Variants in ADGRV1 observed in about 807,000 individuals in gnomAD.
ADGRV1 encodes G-protein coupled receptor 98.
Under a neutral mutation model 596.2 loss-of-function variants are expected in ADGRV1, and 359 were observed. The observed-to-expected ratio is 0.60, with a 90% CI of 0.55 to 0.66. The LOEUF is 0.66. Ranked by LOEUF, ADGRV1 falls within the 30% of genes least tolerant of loss-of-function variation. The probability of loss-of-function intolerance (pLI) is 0.00; values close to 1 mark genes in which losing one functional copy is unlikely to be tolerated. For missense variants in ADGRV1, 7,274 were observed against 7,575.6 expected (o/e 0.96, Z 1.48); for synonymous variants, 2,681 against 2,679.2 (o/e 1.00, Z -0.02).
intron 76 of ADGRV1, among the ~76,000 whole-genome samples, chr5:90,824,432 C>T (rs1384805208): frequency 6.6e-6 from 1 of 152,232 alleles, no homozygotes; most frequent in Non-Finnish European, 1.5e-5. Context: ...AAAGTTGATG[C>T]AGGCAAATGT....
At chr5:91,032,989 G>A (rs72784636) in intron 85 of ADGRV1, among the ~76,000 whole-genome samples, 6,023 of 152,168 alleles carry the variant, frequency 0.04, 166 homozygotes, top group Non-Finnish European at 0.058. Context: ...CACAGATCTG[G>A]ATTTGTTTAT....
chr5:90,617,548 T>A (rs1266162967), intron 2 of ADGRV1: 1 of 273,980 alleles, frequency 3.6e-6, no homozygotes, highest in African/African-American at 2.3e-5. Flanking sequence ...GACCTCGTGA[T>A]CCGCCCGTGT....
chr5:90,792,830 A>T (rs1177786533), intron 70 of ADGRV1: 4 of 152,188 alleles, frequency 2.6e-5, no homozygotes, highest in East Asian at 1.9e-4. Context: ...CAAGGCAGGG[A>T]TCAACCCTGG....
intron 84 of ADGRV1, among the ~76,000 whole-genome samples, chr5:90,971,750 A>C (rs79080372): frequency 1.3e-5 from 2 of 152,192 alleles, no homozygotes; most frequent in African/African-American, 2.4e-5. Flanking sequence ...CAAAAACATG[A>C]CAAATTGTAA....
chr5:90,748,256 TC>T (rs1754843357), intron 52 of ADGRV1, among the ~76,000 whole-genome samples: 1 of 152,160 alleles, frequency 6.6e-6, no homozygotes, highest in South Asian at 2.1e-4. Flanking sequence ...GCGTAGTAGA[TC>T]AGCTTCCTCT....
intron 85 of ADGRV1, among the ~76,000 whole-genome samples, chr5:91,036,635 A>T: frequency 6.6e-6 from 1 of 151,670 alleles, no homozygotes; most frequent in East Asian, 1.9e-4. Flanking sequence ...CTGAGGCAGG[A>T]TCACTTGAGC....
At chr5:90,738,867 T>G (rs1425330917) in intron 50 of ADGRV1, among the ~76,000 whole-genome samples, 2 of 152,124 alleles carry the variant, frequency 1.3e-5, no homozygotes, top group African/African-American at 4.8e-5. Flanking sequence ...CAGCCAGTAT[T>G]TTTAAAAATA....
At chr5:90,560,086 G>A (rs984286212) in intron 1 of ADGRV1, among the ~76,000 whole-genome samples, 1 of 152,136 alleles carries the variant, frequency 6.6e-6, no homozygotes, top group Non-Finnish European at 1.5e-5. Flanking sequence ...TTAAATATAT[G>A]TGATTAGGTA....
chr5:90,932,916 C>T (rs1374154543), intron 83 of ADGRV1, among the ~76,000 whole-genome samples: 1 of 152,194 alleles, frequency 6.6e-6, no homozygotes, highest in Non-Finnish European at 1.5e-5. Context: ...GTGAAAGTCA[C>T]TCTCATCACA....
intron 19 of ADGRV1, 150 bp from the exon 20 acceptor site, chr5:90,653,059 G>T: frequency 1.4e-6 from 1 of 693,590 alleles, no homozygotes; most frequent in East Asian, 2.7e-5. Flanking sequence ...CTAAAATGTG[G>T]TGAAAGCCAC....
At chr5:90,912,704 A>C (rs577643620) in intron 83 of ADGRV1, among the ~76,000 whole-genome samples, 1 of 152,116 alleles carries the variant, frequency 6.6e-6, no homozygotes, top group African/African-American at 2.4e-5. Context: ...TTTGCTTAGG[A>C]TAATAGCCTC....
chr5:90,864,946 G>A (rs974968659), intron 83 of ADGRV1, among the ~76,000 whole-genome samples: 1 of 152,056 alleles, frequency 6.6e-6, no homozygotes, highest in African/African-American at 2.4e-5. Flanking sequence ...ATGCTAAAGT[G>A]CATTTATTGA....
At chr5:90,882,389 C>T (rs1460823858) in intron 83 of ADGRV1, among the ~76,000 whole-genome samples, 1 of 152,120 alleles carries the variant, frequency 6.6e-6, no homozygotes, top group Non-Finnish European at 1.5e-5. Context: ...CTTTTTAATT[C>T]CTATTTCCTG....
Position 90,837,829 on chromosome 5 carries a change from T to C in ADGRV1, c.16612-2749T>C, listed in dbSNP as rs368764189. ...ACCTTGTTTCAGAAATTTAACTTTA[T>C]CTGAATTTTAGTATAAAACTTTCCA... On this transcript the variant is annotated intron_variant, in intron 77 of 89. Coordinates refer to ENST00000405460, the MANE Select transcript of ADGRV1 (RefSeq NM_032119.4). 2.0e-5 allele frequency among the ~76,000 whole-genome samples: 3 copies of C among 152,344 alleles called. No individual in the cohort carries two copies. The South Asian group carries it at 6.2e-4, about 32-fold the overall frequency.
At chr5:90,576,996 C>T (rs902675758) in intron 1 of ADGRV1, among the ~76,000 whole-genome samples, 1 of 151,864 alleles carries the variant, frequency 6.6e-6, no homozygotes, top group Non-Finnish European at 1.5e-5. Context: ...TGTTTAAGTT[C>T]TTTGTAGATT....
intron 86 of ADGRV1, among the ~76,000 whole-genome samples, 193 bp from the exon 87 acceptor site, chr5:91,102,026 A>G (rs551024402): frequency 1.5e-4 from 23 of 152,288 alleles, no homozygotes; most frequent in African/African-American, 5.5e-4. Context: ...TGGGCCTACC[A>G]GCAGCCCCAT....
chr5:90,647,862 A>C, intron 17 of ADGRV1, 98 bp downstream of exon 17: 1 of 1,037,458 alleles, frequency 9.6e-7, no homozygotes, highest in Non-Finnish European at 1.4e-6. Context: ...GTAGGGCCTA[A>C]CTACATTTGT....
intron 85 of ADGRV1, among the ~76,000 whole-genome samples, chr5:91,035,864 T>TATATATATATATATATATATATA (rs1784854585): frequency 4.4e-5 from 3 of 68,266 alleles, no homozygotes; most frequent in African/African-American, 9.2e-5. Context: ...ATATATATTA[T>TATATATATATATATATATATATA]ATATATATAT....
At chr5:90,915,983 G>T (rs540366440) in intron 83 of ADGRV1, among the ~76,000 whole-genome samples, 1 of 152,248 alleles carries the variant, frequency 6.6e-6, no homozygotes, top group East Asian at 1.9e-4. Flanking sequence ...TGGTTTAGAA[G>T]GGTATGGGCA....
Sources: allele counts gnomAD v4.1 joint callset (sites outside exome capture counted in the v4.1 genomes callset), GRCh38; gene constraint gnomAD v4.1.1; transcripts MANE v1.5; gene names NCBI Gene and HGNC (gene_info 2026-07-23, HGNC 2026-07-21).